Variants in EIF3A observed in about 807,000 individuals in gnomAD.
EIF3A encodes the protein EIF3, p180 subunit.
In EIF3A, 21 loss-of-function variants were observed where a neutral mutation model predicts 186.6. The ratio of observed to expected loss-of-function variants is 0.11; its 90% CI spans 0.08 to 0.16. The LOEUF is 0.16. EIF3A is among the 10% of genes least tolerant of loss of function. The pLI is 1.00. For missense variants in EIF3A, 1,306 were observed against 1,796.3 expected (o/e 0.73, Z 4.93); for synonymous variants, 563 against 584.3 (o/e 0.96, Z 0.52).
intron 7 of EIF3A, among the ~76,000 whole-genome samples, chr10:119,062,075 T>C (rs1843897853): frequency 6.6e-6 from 1 of 152,168 alleles, no homozygotes; most frequent in African/African-American, 2.4e-5. Flanking sequence ...TAATGTAAAA[T>C]GGGTACAAGG....
At chr10:119,040,262 C>A (rs1489903610) in intron 19 of EIF3A, among the ~76,000 whole-genome samples, 1 of 151,982 alleles carries the variant, frequency 6.6e-6, no homozygotes, top group Non-Finnish European at 1.5e-5. Context: ...TGACCCAGGA[C>A]CAAGTACAAG....
At chr10:119,037,790 C>T (rs776372564) in intron 20 of EIF3A, among the ~76,000 whole-genome samples, 1 of 151,990 alleles carries the variant, frequency 6.6e-6, no homozygotes, top group Non-Finnish European at 1.5e-5. Flanking sequence ...CCCTAAACCA[C>T]AGGGGTAAAA....
intron 21 of EIF3A, 52 bp from the exon 22 acceptor site, chr10:119,036,320 G>A (rs749805485): frequency 1.4e-5 from 17 of 1,224,386 alleles, no homozygotes; most frequent in African/African-American, 4.7e-5. Context: ...TATTCTATTG[G>A]CTCAAATTAC....
chr10:119,042,922 G>T lies in EIF3A; in HGVS notation c.2748-150C>A. The stretch of plus-strand genomic sequence containing the variant: ...AATCCCAGCACTCTGGGAAGCAGAG[G>T]CAGGCAGATCACCTGAGGTCAGGAG... On this transcript the variant is annotated intron_variant, in intron 18 of 21. Transcript: ENST00000369144. This position sits in a 1 kb window ranked among gnomAD's most constrained non-coding sequence, Gnocchi z 7.8. The T allele has an allele frequency of 2.4e-6, 2 of 829,618 alleles. No individual in the cohort carries two copies. Among genetic ancestry groups the T allele is most frequent in the South Asian group, 4.1e-5 (2 of 49,134 alleles). 51.4% of individuals were successfully genotyped at this position (829,618 alleles called of 1,614,324 possible). A position where few individuals can be genotyped will look rare whatever the true frequency, so the allele number is the denominator to read the frequency against.
intron 14 of EIF3A, among the ~76,000 whole-genome samples, chr10:119,052,100 G>A (rs776916870): frequency 6.6e-6 from 1 of 152,190 alleles, no homozygotes. Flanking sequence ...CATCTAGCAT[G>A]TGGCACTGGT....
intron 17 of EIF3A, among the ~76,000 whole-genome samples, chr10:119,047,015 C>A (rs1409520248): frequency 6.6e-6 from 1 of 152,086 alleles, no homozygotes; most frequent in Non-Finnish European, 1.5e-5. Flanking sequence ...CGCCTGTAAT[C>A]CCAGCACTGT....
chr10:119,062,030 C>G (rs1843896436), intron 7 of EIF3A, among the ~76,000 whole-genome samples: 3 of 152,042 alleles, frequency 2.0e-5, no homozygotes, highest in Admixed American at 6.6e-5. Flanking sequence ...AGGAGGGCAC[C>G]CACACATGGG....
intron 2 of EIF3A, 24 bp downstream of exon 2, chr10:119,073,723 T>C (rs752941302): frequency 6.4e-7 from 1 of 1,573,268 alleles, no homozygotes; most frequent in South Asian, 1.2e-5. Context: ...TTGTTAAAAA[T>C]ATACAACCCA....
At chr10:119,069,229 C>T (rs990723242) in intron 6 of EIF3A, among the ~76,000 whole-genome samples, 4 of 151,838 alleles carry the variant, frequency 2.6e-5, no homozygotes, top group Non-Finnish European at 5.9e-5. Flanking sequence ...TCACAACTGG[C>T]GGTGGTTGCT....
In EIF3A at chr10:119,075,651, CAT is replaced by C. The variant is rs5788328; in HGVS notation, c.50-1716_50-1715del. Among the ~76,000 whole-genome samples, 367 of 97,094 alleles carry C rather than the reference CAT, an allele frequency of 3.8e-3. 2 individuals carry two copies. The highest frequency in any genetic ancestry group is 0.013 in the South Asian group (30 of 2,372). 63.7% of individuals were successfully genotyped at this position (97,094 alleles called of 152,430 possible). A position where few individuals can be genotyped will look rare whatever the true frequency, so the allele number is the denominator to read the frequency against. On this transcript the variant is annotated intron_variant, in intron 1 of 21. Transcript: ENST00000369144. ...GGGAGCTTAAAACACTATATATATA[CAT>C]ATATATATATATATCTCCTTTTTAA...
At chr10:119,060,722 CTT>C in intron 9 of EIF3A, 22 bp downstream of exon 9, 1 of 1,568,544 alleles carries the variant, frequency 6.4e-7, no homozygotes, top group South Asian at 1.2e-5. Flanking sequence ...CATCACAAAA[CTT>C]TTTTTATTTT....
chr10:119,041,917 C>T lies in EIF3A; in HGVS notation c.3526+77G>A, dbSNP rs571086056. The T allele has an allele frequency of 4.0e-5, 57 of 1,425,516 alleles. No individual in the cohort carries two copies. In the African/African-American group the frequency reaches 7.1e-4, roughly 18 times the overall value. The allele number at this position is 1,425,516 out of a possible 1,614,324, so 88.3% of individuals were successfully genotyped here. On this transcript the variant is annotated intron_variant, in intron 19 of 21. Coordinates refer to ENST00000369144, the MANE Select transcript of EIF3A (RefSeq NM_003750.4). ...CCAGTTTATCTGGAAAATAACAATA[C>T]AGCCCTGATATTTATCCATCAGAAT...
intron 1 of EIF3A, among the ~76,000 whole-genome samples, chr10:119,075,621 A>AAAG (rs5788327): frequency 0.34 from 37,946 of 111,640 alleles, 8,112 homozygotes; most frequent in Non-Finnish European, 0.42. Context: ...AAAAAAAAAA[A>AAAG]GGGGGGGAGC....
chr10:119,069,699 GA>G (rs763893545), intron 5 of EIF3A, 45 bp from the exon 6 acceptor site: 3 of 935,954 alleles, frequency 3.2e-6, no homozygotes, highest in African/African-American at 3.3e-5. Context: ...TCTATAACAC[GA>G]AAAAAATCTA....
chr10:119,037,152 T>G lies in EIF3A; in HGVS notation c.3886A>C (p.Arg1296=). Residue 1296 remains arginine, a synonymous_variant, in exon 21 of 22, where the codon AGA becomes CGA. Transcript: ENST00000369144. ...CGTTCTGATCTGAGTGGAGGTCCTC[T>G]TCGGTCCCTGTCGTCTCTTAGATCT... ...RRDLRDDRDR[R]GPPLRSEREE... is the part of the protein sequence containing the mutation. 6.3e-7 allele frequency: 1 copy of G among 1,597,890 alleles called. No homozygotes were observed. The highest frequency in any genetic ancestry group is 8.5e-7 in the Non-Finnish European group (1 of 1,170,768).
intron 14 of EIF3A, among the ~76,000 whole-genome samples, chr10:119,053,557 C>A (rs796349987): frequency 1.2e-3 from 128 of 110,500 alleles, no homozygotes; most frequent in Non-Finnish European, 1.5e-3. Context: ...ACTAAAAATA[C>A]AAAAAAAAAA....
At chr10:119,072,432 GGTTTTGTTTTGTTTT>G (rs59846549) in intron 4 of EIF3A, among the ~76,000 whole-genome samples, 242 of 150,110 alleles carry the variant, frequency 1.6e-3, no homozygotes, top group Non-Finnish European at 2.4e-3. Context: ...CAGTCATTTT[GGTTTTGTTTTGTTTT>G]GTTTTGTTTT....
intron 7 of EIF3A, among the ~76,000 whole-genome samples, chr10:119,064,040 C>T (rs890015447): frequency 6.6e-6 from 1 of 152,188 alleles, no homozygotes; most frequent in African/African-American, 2.4e-5. Flanking sequence ...AATCGCACCA[C>T]TGCACTCCAG....
In EIF3A at chr10:119,064,615, G is replaced by A. The variant is rs55790336; in HGVS notation, c.1122+784C>T. Among the ~76,000 whole-genome samples, 1,181 of 152,254 alleles carry A rather than the reference G, an allele frequency of 7.8e-3. 18 individuals are homozygous for A. The highest frequency in any genetic ancestry group is 0.027 in the African/African-American group (1,138 of 41,506). On this transcript the variant is annotated intron_variant, in intron 7 of 21. Transcript: ENST00000369144. ...TGGTAATTTTCCTGAGGTCTCCCCA[G>A]ATGCAGAAGCCACTATACTTCCTAT...
Sources: allele counts gnomAD v4.1 joint callset (sites outside exome capture counted in the v4.1 genomes callset), GRCh38; gene constraint gnomAD v4.1.1; non-coding constraint Gnocchi (gnomAD v3.1); transcripts MANE v1.5; gene names NCBI Gene and HGNC (gene_info 2026-07-23, HGNC 2026-07-21).